The following ARHGAP8 variants were observed in gnomAD, a reference collection of about 807,000 sequenced individuals.
The protein encoded by ARHGAP8 is rho GTPase-activating protein 8.
In ARHGAP8, 62 loss-of-function variants were observed where a neutral mutation model predicts 46.1. The ratio of observed to expected loss-of-function variants is 1.34; its 90% CI spans 1.10 to 1.66. The LOEUF (loss-of-function observed/expected upper bound fraction) is 1.66. Ranked by LOEUF, ARHGAP8 falls within the 40% of genes most tolerant of loss-of-function variation. The probability of loss-of-function intolerance (pLI) is 0.00; values close to 1 mark genes in which losing one functional copy is unlikely to be tolerated. For missense variants in ARHGAP8, 923 were observed against 568.4 expected (o/e 1.62, Z -6.34); for synonymous variants, 375 against 243.1 (o/e 1.54, Z -5.05).
At chr22:44,861,478 C>T (rs888951420) in intron 11 of ARHGAP8, among the ~76,000 whole-genome samples, 3 of 152,076 alleles carry the variant, frequency 2.0e-5, no homozygotes, top group Non-Finnish European at 4.4e-5. Flanking sequence ...CCAGGGGGAG[C>T]CTGAAAGGCA....
At chr22:44,803,709 C>CCT (rs1170142567) in intron 3 of ARHGAP8, among the ~76,000 whole-genome samples, 23 of 105,882 alleles carry the variant, frequency 2.2e-4, no homozygotes, top group Non-Finnish European at 2.8e-4. Context: ...GAACACACCC[C>CCT]CCCATGCATG....
At chr22:44,809,382 AC>A (rs531575948) in intron 4 of ARHGAP8, 5 of 357,636 alleles carry the variant, frequency 1.4e-5, no homozygotes, top group Non-Finnish European at 2.2e-5. Context: ...CCATTCTCCC[AC>A]CCCTGGTCCA....
chr22:44,809,056 A>C (rs1360136767), intron 4 of ARHGAP8: 1 of 465,462 alleles, frequency 2.1e-6, no homozygotes, highest in African/African-American at 2.0e-5. Flanking sequence ...TCCAAGCTCA[A>C]GCGATCCTCC....
intron 11 of ARHGAP8, among the ~76,000 whole-genome samples, chr22:44,861,758 A>C (rs752755749): frequency 1.4e-4 from 22 of 152,118 alleles, no homozygotes; most frequent in Non-Finnish European, 2.4e-4. Context: ...CCTCATCTGT[A>C]AGATGGGGAG....
chr22:44,768,972 T>A (rs1384744378), intron 1 of ARHGAP8, among the ~76,000 whole-genome samples: 1 of 152,028 alleles, frequency 6.6e-6, no homozygotes, highest in Non-Finnish European at 1.5e-5. Context: ...GTAGCTGGGA[T>A]TACACGTGTG....
chr22:44,829,305 AAAAAG>A (rs1930773043), intron 7 of ARHGAP8, among the ~76,000 whole-genome samples: 1 of 151,720 alleles, frequency 6.6e-6, no homozygotes. Flanking sequence ...AAGAAAAAAA[AAAAAG>A]AAAAAGAAAA....
At chr22:44,823,141 C>T (rs894054436) in intron 6 of ARHGAP8, among the ~76,000 whole-genome samples, 8 of 152,196 alleles carry the variant, frequency 5.3e-5, no homozygotes, top group African/African-American at 1.9e-4. Context: ...GAGATAATAA[C>T]TTCTCTCCGG....
At chr22:44,776,847 C>A (rs1453705355) in intron 1 of ARHGAP8, among the ~76,000 whole-genome samples, 1 of 151,942 alleles carries the variant, frequency 6.6e-6, no homozygotes, top group Non-Finnish European at 1.5e-5. Context: ...TGTAACTCAC[C>A]CCTCCTTCCA....
intron 10 of ARHGAP8, among the ~76,000 whole-genome samples, chr22:44,852,390 G>T (rs2070119389): frequency 6.6e-6 from 1 of 152,000 alleles, no homozygotes; most frequent in Non-Finnish European, 1.5e-5. Flanking sequence ...CCATTAGAAG[G>T]TTTTATGATC....
chr22:44,795,988 C>A (rs1205871734), intron 2 of ARHGAP8, among the ~76,000 whole-genome samples: 1 of 152,190 alleles, frequency 6.6e-6, no homozygotes, highest in Non-Finnish European at 1.5e-5. Flanking sequence ...TCTGCAGCCT[C>A]CACTGGCCTT....
At chr22:44,862,024 T>C (rs1473960200) in intron 11 of ARHGAP8, among the ~76,000 whole-genome samples, 1 of 151,772 alleles carries the variant, frequency 6.6e-6, no homozygotes, top group Non-Finnish European at 1.5e-5. Context: ...TAGTGGGGGG[T>C]TGAGGCTGTC....
chr22:44,794,818 T>C (rs1927959414), intron 2 of ARHGAP8, among the ~76,000 whole-genome samples: 2 of 152,144 alleles, frequency 1.3e-5, no homozygotes, highest in African/African-American at 4.8e-5. Flanking sequence ...GCACTTGCTC[T>C]AAGCTTCATA....
chr22:44,770,418 C>CT (rs1925913327), intron 1 of ARHGAP8, among the ~76,000 whole-genome samples: 1 of 137,706 alleles, frequency 7.3e-6, no homozygotes, highest in African/African-American at 3.0e-5. Context: ...TTTTTTTTTT[C>CT]TTTTTGAGAC....
At chr22:44,853,427 C>G (rs1248931374) in intron 10 of ARHGAP8, among the ~76,000 whole-genome samples, 1 of 152,114 alleles carries the variant, frequency 6.6e-6, no homozygotes, top group Non-Finnish European at 1.5e-5. Flanking sequence ...TAGGAGAAAA[C>G]TGGAAATGTT....
In ARHGAP8 at chr22:44,862,275, G is replaced by C. The variant is rs748574952; in HGVS notation, c.982G>C (p.Val328Leu). Residue 328 changes from valine (V) to leucine (L), a missense_variant and splice_region_variant, in exon 12 of 12, where the codon GTG becomes CTG. Val to Leu is a conservative substitution (Grantham distance 32). Transcript: ENST00000356099. ...LRYLMGFLHA[V>L]SRESIFNKMN... ...TTTACTTGTGTGTGGTTTCCTCCAGGTGTCCCGGGAGAGCATCTTCAACAA... is the reference window on the plus strand; with the variant it reads ...TTTACTTGTGTGTGGTTTCCTCCAGCTGTCCCGGGAGAGCATCTTCAACAA... 1.6e-5 allele frequency: 25 copies of C among 1,586,294 alleles called. No individual in the cohort carries two copies. Among genetic ancestry groups the C allele is most frequent in the East Asian group, 1.1e-4 (5 of 44,378 alleles).
At position 44,830,014 on chromosome 22, in the gene ARHGAP8, T is replaced by TCC. The variant is rs767376314; in HGVS notation, c.596+4422_596+4423dup. 3.0e-5 allele frequency among the ~76,000 whole-genome samples: 4 copies of TCC among 132,064 alleles called. No homozygotes were observed. In the South Asian group the frequency reaches 1.1e-3, roughly 36 times the overall value. The allele number at this position is 132,064 out of a possible 152,430, so 86.6% of individuals were successfully genotyped here. A position where few individuals can be genotyped will look rare whatever the true frequency, so the allele number is the denominator to read the frequency against. On this transcript the variant is annotated intron_variant, in intron 7 of 11. Transcript: ENST00000356099. ...CTGAGCTCTGGCATTTTCTTTTTTT[T>TCC]CCTCTCTCTCTTTTTTTTTTTTTCC...
chr22:44,862,523 G>A lies in ARHGAP8; in HGVS notation c.1230G>A (p.Arg410=). ...CCCCTTTGCAGGAGGCTGTGCCACG[G>A]ACACAAGCCACGGGCCTCACCAAGC... is the stretch of plus-strand genomic sequence containing the variant. ...RAAPLQEAVP[R]TQATGLTKPT... Residue 410 remains arginine (R), a synonymous_variant, in exon 12 of 12, where the codon CGG becomes CGA. Transcript: ENST00000356099. 6.2e-7 allele frequency: 1 copy of A among 1,611,890 alleles called. No individual in the cohort carries two copies. Among genetic ancestry groups the A allele is most frequent in the Non-Finnish European group, 8.5e-7 (1 of 1,178,388 alleles).
intron 4 of ARHGAP8, chr22:44,808,972 C>T (rs1266779678): frequency 2.5e-6 from 1 of 405,336 alleles, no homozygotes; most frequent in Admixed American, 2.7e-5. Flanking sequence ...CGTTCACCAC[C>T]ATGCCTAGCT....
intron 7 of ARHGAP8, among the ~76,000 whole-genome samples, chr22:44,840,102 AG>A (rs1034526368): frequency 6.6e-6 from 1 of 152,220 alleles, no homozygotes; most frequent in African/African-American, 2.4e-5. Flanking sequence ...CCGAGATCAC[AG>A]GTGGGAAGAG....
Sources: gnomAD v4.1 joint callset for allele counts (sites outside exome capture counted in the v4.1 genomes callset) on GRCh38, gnomAD v4.1.1 for gene constraint, MANE v1.5 for transcripts, NCBI Gene and HGNC (gene_info 2026-07-23, HGNC 2026-07-21) for gene names.